Variants in SEMA5A observed in about 807,000 individuals in gnomAD.
SEMA5A encodes semaphorin-5A.
In SEMA5A, 55 loss-of-function variants were observed where a neutral mutation model predicts 135.5. That is an observed-to-expected ratio of 0.41 (90% CI 0.33 to 0.51). The LOEUF is 0.51. Among genes scored for constraint, SEMA5A ranks in the 20% least tolerant of loss-of-function variants. The pLI, the probability that SEMA5A is intolerant of heterozygous loss-of-function variation, is 0.37. For synonymous variants in SEMA5A, 580 were observed against 546.5 expected (o/e 1.06, Z -0.85); for missense variants, 1,290 against 1,419.9 (o/e 0.91, Z 1.47).
At chr5:9,468,794 T>A (rs375467875) in intron 1 of SEMA5A, among the ~76,000 whole-genome samples, 3 of 152,226 alleles carry the variant, frequency 2.0e-5, no homozygotes, top group Non-Finnish European at 4.4e-5. Flanking sequence ...TCCCTTTTCA[T>A]GAATATTTCT....
intron 8 of SEMA5A, among the ~76,000 whole-genome samples, chr5:9,207,767 AAAATT>A (rs1389250626): frequency 6.6e-6 from 1 of 152,264 alleles, no homozygotes; most frequent in East Asian, 1.9e-4. Context: ...CGGATAACTT[AAAATT>A]AAATTAAATT....
rs3026308 is a variant in SEMA5A at position 9,380,840 on chromosome 5, G to A, written c.-77-817C>T. 9.4e-3 allele frequency among the ~76,000 whole-genome samples: 1,425 copies of A among 152,314 alleles called. 14 individuals carry two copies. Among genetic ancestry groups the A allele is most frequent in the African/African-American group, 0.032 (1,338 of 41,570 alleles). On this transcript the variant is annotated intron_variant, in intron 2 of 22. Transcript: ENST00000382496. Reference sequence around the variant, plus strand: ...GGAGAATACGACTGCTACAGAGAAGGATCTATGACGGGTCCATGCAGGGGC... The same window carrying A: ...GGAGAATACGACTGCTACAGAGAAGAATCTATGACGGGTCCATGCAGGGGC...
rs925744448 is a variant in SEMA5A at position 9,195,228 on chromosome 5, T to C, written c.1068+1940A>G. ...CTCTGTCACCCAGACTGGAGTGCAG[T>C]GGATGGATTATAGCTCACTGATTGA... On this transcript the variant is annotated intron_variant, in intron 10 of 22. Transcript: ENST00000382496. 2.0e-5 allele frequency among the ~76,000 whole-genome samples: 3 copies of C among 152,284 alleles called. No individual in the cohort carries two copies. In the East Asian group the frequency reaches 5.8e-4, roughly 29 times the overall value.
At chr5:9,372,368 C>T (rs40653) in intron 3 of SEMA5A, among the ~76,000 whole-genome samples, 73,452 of 151,850 alleles carry the variant, frequency 0.48, 18,836 homozygotes, top group Non-Finnish European at 0.58. Context: ...CTGTGGGACA[C>T]GCGTGGAGCC....
At chr5:9,270,313 TA>T (rs1298846575) in intron 5 of SEMA5A, among the ~76,000 whole-genome samples, 3 of 152,120 alleles carry the variant, frequency 2.0e-5, no homozygotes, top group Non-Finnish European at 4.4e-5. Flanking sequence ...TTGTCTTTGC[TA>T]ATTTTTTTTT....
chr5:9,050,034 C>T (rs1579302289), intron 21 of SEMA5A, among the ~76,000 whole-genome samples: 1 of 152,240 alleles, frequency 6.6e-6, no homozygotes, highest in East Asian at 1.9e-4. Context: ...ATAGTGAATA[C>T]CGAGACCACT....
At chr5:9,461,612 C>G (rs1759059894) in intron 1 of SEMA5A, among the ~76,000 whole-genome samples, 2 of 152,258 alleles carry the variant, frequency 1.3e-5, no homozygotes, top group Admixed American at 1.3e-4. Context: ...GGAACACCTG[C>G]TCAGAAACAC....
At chr5:9,134,889 T>C (rs545172458) in intron 13 of SEMA5A, among the ~76,000 whole-genome samples, 2 of 152,348 alleles carry the variant, frequency 1.3e-5, no homozygotes, top group South Asian at 2.1e-4. Context: ...GTGTTCTTAG[T>C]ATTTTTCAGA....
chr5:9,483,435 A>G (rs1019112092), intron 1 of SEMA5A, among the ~76,000 whole-genome samples: 1 of 152,224 alleles, frequency 6.6e-6, no homozygotes, highest in Admixed American at 6.5e-5. Flanking sequence ...CAACAGGAAG[A>G]GGTAAACTAA....
chr5:9,435,616 A>T (rs1182020180), intron 2 of SEMA5A, among the ~76,000 whole-genome samples: 2 of 152,192 alleles, frequency 1.3e-5, no homozygotes, highest in African/African-American at 2.4e-5. Context: ...CATTCACTAT[A>T]CTATGAGGTC....
chr5:9,186,878 AG>A (rs1396780660), intron 11 of SEMA5A, among the ~76,000 whole-genome samples: 1 of 152,194 alleles, frequency 6.6e-6, no homozygotes, highest in East Asian at 1.9e-4. Flanking sequence ...TGTTAACTAC[AG>A]TTGCCATACT....
chr5:9,324,686 G>C (rs1332057388), intron 4 of SEMA5A, among the ~76,000 whole-genome samples: 1 of 152,214 alleles, frequency 6.6e-6, no homozygotes, highest in Admixed American at 6.5e-5. Context: ...GATATTCCCA[G>C]GTGTTGGGCC....
At position 9,107,325 on chromosome 5, in the gene SEMA5A, A is replaced by T. The variant is rs370847228; in HGVS notation, c.2073+815T>A. Reference sequence around the variant, plus strand: ...TTGTCCAAGAGGAATTTTATTTGACAGTTTAAAGTGTTAAAAGAAATATAA... The same window carrying T: ...TTGTCCAAGAGGAATTTTATTTGACTGTTTAAAGTGTTAAAAGAAATATAA... On this transcript the variant is annotated intron_variant, in intron 16 of 22. Coordinates refer to ENST00000382496, the MANE Select transcript of SEMA5A (RefSeq NM_003966.3). 1.1e-4 allele frequency among the ~76,000 whole-genome samples: 17 copies of T among 152,250 alleles called. No homozygotes were observed. The East Asian group carries it at 1.7e-3, about 16-fold the overall frequency.
chr5:9,526,671 T>C (rs538992040), intron 1 of SEMA5A, among the ~76,000 whole-genome samples: 3 of 152,312 alleles, frequency 2.0e-5, no homozygotes, highest in East Asian at 3.9e-4. Flanking sequence ...CAGCTTGGCT[T>C]CAGCTGTACA....
intron 3 of SEMA5A, chr5:9,363,257 T>A (rs1176285729): frequency 6.6e-6 from 1 of 152,190 alleles, no homozygotes; most frequent in Non-Finnish European, 1.5e-5. Flanking sequence ...TGATATAATC[T>A]TTTCTGTTTT....
chr5:9,278,862 T>G (rs115096032), intron 5 of SEMA5A, among the ~76,000 whole-genome samples: 4 of 152,338 alleles, frequency 2.6e-5, no homozygotes, highest in African/African-American at 4.8e-5. Context: ...AGAAGATGTA[T>G]GTAAACACCT....
chr5:9,477,982 C>G (rs569045223), intron 1 of SEMA5A, among the ~76,000 whole-genome samples: 1 of 152,222 alleles, frequency 6.6e-6, no homozygotes, highest in Non-Finnish European at 1.5e-5. Context: ...TTCCTGGGCC[C>G]AGGGTCCCTG....
intron 5 of SEMA5A, among the ~76,000 whole-genome samples, chr5:9,279,162 C>T (rs918073226): frequency 1.3e-5 from 2 of 152,174 alleles, no homozygotes; most frequent in African/African-American, 4.8e-5. Flanking sequence ...TGCCAAAGGC[C>T]TTGGGAGTCC....
rs377543647 is a variant in SEMA5A, at chr5:9,066,620, C to G, written c.2100G>C (p.Pro700=). 6.2e-7 allele frequency: 1 copy of G among 1,614,046 alleles called. No homozygotes were observed. The change falls in exon 17 of 23, where the codon CCG becomes CCC. Residue 700 remains proline (P), a synonymous_variant. Coordinates refer to ENST00000382496, the MANE Select transcript of SEMA5A (RefSeq NM_003966.3). ...GCGTGGTCTTCTTCAGCTCAGGACA[C>G]GGGTTGGTGTTGCAAGACTGGTACT... is the stretch of plus-strand genomic sequence containing the variant. ...NVEYQSCNTN[P]CPELKKTTPW... is the part of the protein sequence containing the mutation.
Sources: allele counts gnomAD v4.1 joint callset (sites outside exome capture counted in the v4.1 genomes callset), GRCh38; gene constraint gnomAD v4.1.1; transcripts MANE v1.5; gene names NCBI Gene and HGNC (gene_info 2026-07-23, HGNC 2026-07-21).